Variants in GNA14 observed in about 807,000 individuals in gnomAD.
The protein encoded by GNA14 is guanine nucleotide-binding protein subunit alpha-14.
GNA14 carries 50 observed loss-of-function variants against 42.0 expected under a neutral mutation model. The observed-to-expected ratio is 1.19, with a 90% CI of 0.95 to 1.51. GNA14 has a LOEUF of 1.51. Ranked by LOEUF, GNA14 falls within the 40% of genes most tolerant of loss-of-function variation. The pLI is 0.00. For synonymous variants in GNA14, 173 were observed against 163.1 expected (o/e 1.06, Z -0.46); for missense variants, 473 against 446.2 (o/e 1.06, Z -0.54).
At chr9:77,637,892 T>A (rs1047423616) in intron 1 of GNA14, among the ~76,000 whole-genome samples, 6 of 152,234 alleles carry the variant, frequency 3.9e-5, no homozygotes, top group African/African-American at 1.4e-4. Flanking sequence ...GTGTTCATAT[T>A]CTAGAAAACT....
At chr9:77,483,327 C>G (rs949877611) in intron 2 of GNA14, among the ~76,000 whole-genome samples, 1 of 152,126 alleles carries the variant, frequency 6.6e-6, no homozygotes, top group East Asian at 1.9e-4. Flanking sequence ...CACTCCAGAC[C>G]CTGTTTGCCT....
chr9:77,577,318 C>A (rs1038262685), intron 1 of GNA14, among the ~76,000 whole-genome samples: 9 of 152,156 alleles, frequency 5.9e-5, no homozygotes, highest in Non-Finnish European at 5.9e-5. Context: ...AGAATGAATT[C>A]CAGATCAATC....
chr9:77,453,948 G>T (rs992293876), intron 2 of GNA14, among the ~76,000 whole-genome samples: 1 of 152,202 alleles, frequency 6.6e-6, no homozygotes, highest in Non-Finnish European at 1.5e-5. Flanking sequence ...TCCATAGCTT[G>T]TAAAAGTCAG....
At chr9:77,447,686 G>A (rs1835845520) in intron 2 of GNA14, among the ~76,000 whole-genome samples, 1 of 152,180 alleles carries the variant, frequency 6.6e-6, no homozygotes. Context: ...CAGCAAGTGA[G>A]TACACCAACT....
At chr9:77,521,622 C>A (rs185349201) in intron 2 of GNA14, among the ~76,000 whole-genome samples, 1 of 152,038 alleles carries the variant, frequency 6.6e-6, no homozygotes, top group African/African-American at 2.4e-5. Flanking sequence ...GAGACCTTAT[C>A]GAAGGGCTTT....
intron 2 of GNA14, among the ~76,000 whole-genome samples, chr9:77,449,633 G>A (rs2131702633): frequency 6.6e-6 from 1 of 152,250 alleles, no homozygotes; most frequent in East Asian, 1.9e-4. Context: ...AGAGAAACCA[G>A]TGGCCTCCCC....
At chr9:77,469,365 T>TAAAAAAAAAAAAAA (rs10537760) in intron 2 of GNA14, among the ~76,000 whole-genome samples, 1 of 116,934 alleles carries the variant, frequency 8.6e-6, no homozygotes, top group Non-Finnish European at 1.7e-5. Flanking sequence ...TAAACTGTGT[T>TAAAAAAAAAAAAAA]AAAAAAAAAA....
At chr9:77,499,783 G>A (rs145035817) in intron 2 of GNA14, among the ~76,000 whole-genome samples, 155 of 152,238 alleles carry the variant, frequency 1.0e-3, no homozygotes, top group African/African-American at 3.5e-3. Flanking sequence ...CTGGAAGGCA[G>A]AGGTTGCAGT....
At position 77,560,851 on chromosome 9, in the gene GNA14, A is replaced by G. The variant is rs113350145; in HGVS notation, c.125-31598T>C. On this transcript the variant is annotated intron_variant, in intron 1 of 6. Transcript: ENST00000341700. ...TTCCTCCAAGTTAAGGGAATGGTGG[A>G]AAAAAAAAAGAGTCCTTTATATTTT... 9.1e-3 allele frequency among the ~76,000 whole-genome samples: 1,353 copies of G among 149,140 alleles called. 20 individuals are homozygous for G. The highest frequency in any genetic ancestry group is 0.031 in the African/African-American group (1,265 of 40,558).
chr9:77,548,813 A>G (rs915336243), intron 1 of GNA14, among the ~76,000 whole-genome samples: 2 of 152,214 alleles, frequency 1.3e-5, no homozygotes, highest in African/African-American at 2.4e-5. Context: ...TTCTGCACCC[A>G]TGTGGCAGCA....
intron 1 of GNA14, among the ~76,000 whole-genome samples, chr9:77,561,229 G>A (rs547705832): frequency 7.9e-5 from 12 of 152,196 alleles, no homozygotes; most frequent in South Asian, 4.1e-4. Flanking sequence ...TAAGGATGGC[G>A]TGTGGCTAAG....
chr9:77,437,785 C>A (rs1031243779), intron 2 of GNA14, among the ~76,000 whole-genome samples: 1 of 152,194 alleles, frequency 6.6e-6, no homozygotes, highest in African/African-American at 2.4e-5. Context: ...ACAATGAACA[C>A]AGATATGCCC....
chr9:77,525,569 C>T (rs1418267982), intron 2 of GNA14, among the ~76,000 whole-genome samples: 5 of 148,278 alleles, frequency 3.4e-5, no homozygotes, highest in Non-Finnish European at 7.4e-5. Context: ...GATGGAGTCT[C>T]GCTCTGTTGC....
At chr9:77,433,807 A>T (rs2131691769) in intron 3 of GNA14, among the ~76,000 whole-genome samples, 1 of 152,300 alleles carries the variant, frequency 6.6e-6, no homozygotes, top group South Asian at 2.1e-4. Flanking sequence ...GGCAGCCAAT[A>T]AACAAAGGAT....
At chr9:77,629,277 G>A (rs550831844) in intron 1 of GNA14, among the ~76,000 whole-genome samples, 2 of 152,226 alleles carry the variant, frequency 1.3e-5, no homozygotes, top group African/African-American at 4.8e-5. Context: ...TTACACTGTT[G>A]TTGGGAGTGT....
At chr9:77,544,884 G>A (rs1343146649) in intron 1 of GNA14, among the ~76,000 whole-genome samples, 2 of 151,998 alleles carry the variant, frequency 1.3e-5, no homozygotes, top group African/African-American at 2.4e-5. Flanking sequence ...CAACACCAGG[G>A]CCGTGATAAG....
intron 2 of GNA14, among the ~76,000 whole-genome samples, chr9:77,513,283 C>G (rs1319113202): frequency 6.6e-6 from 1 of 152,228 alleles, no homozygotes; most frequent in South Asian, 2.1e-4. Context: ...TAGTTAGCAG[C>G]TCTGCCTGGG....
At chr9:77,570,741 A>T (rs1564056240) in intron 1 of GNA14, among the ~76,000 whole-genome samples, 1 of 152,158 alleles carries the variant, frequency 6.6e-6, no homozygotes, top group Non-Finnish European at 1.5e-5. Flanking sequence ...TCAATTCTTT[A>T]GGTGTATACC....
rs565643336 is a variant in GNA14, at chr9:77,515,809, A to T, written c.309+13260T>A. ...GGAGACCCCATCTTTACAAAAAAATAAAAAATTAGCCAGGCCTGGGGGTGT... is the reference window on the plus strand; with the variant it reads ...GGAGACCCCATCTTTACAAAAAAATTAAAAATTAGCCAGGCCTGGGGGTGT... On this transcript the variant is annotated intron_variant, in intron 2 of 6. Coordinates refer to ENST00000341700, the MANE Select transcript of GNA14 (RefSeq NM_004297.4). 3.5e-4 allele frequency among the ~76,000 whole-genome samples: 53 copies of T among 151,648 alleles called. 1 individual carries two copies. Among genetic ancestry groups the T allele is most frequent in the African/African-American group, 7.8e-4 (32 of 41,280 alleles).
Sources: allele counts gnomAD v4.1 joint callset (sites outside exome capture counted in the v4.1 genomes callset), GRCh38; gene constraint gnomAD v4.1.1; transcripts MANE v1.5; gene names NCBI Gene and HGNC (gene_info 2026-07-23, HGNC 2026-07-21).